CSE1L: variants seen among roughly 807,000 people sequenced by gnomAD.
CSE1L encodes exportin-2.
CSE1L carries 24 observed loss-of-function variants against 120.4 expected under a neutral mutation model. That is an observed-to-expected ratio of 0.20 (90% CI 0.14 to 0.28). CSE1L has a LOEUF of 0.28. Among genes scored for constraint, CSE1L ranks in the 10% least tolerant of loss-of-function variants. CSE1L has a pLI of 1.00. For synonymous variants in CSE1L, 402 were observed against 398.3 expected (o/e 1.01, Z -0.11); for missense variants, 830 against 1,145.2 (o/e 0.72, Z 3.97).
intron 1 of CSE1L, among the ~76,000 whole-genome samples, chr20:49,057,670 C>T (rs1382024906): frequency 1.3e-5 from 2 of 151,992 alleles, no homozygotes; most frequent in Non-Finnish European, 2.9e-5. Flanking sequence ...TTGCTCTTAT[C>T]GCCCAGGCTG....
intron 17 of CSE1L, 67 bp downstream of exon 17, chr20:49,088,173 C>G (rs904115499): frequency 1.9e-6 from 2 of 1,059,306 alleles, no homozygotes; most frequent in Non-Finnish European, 2.9e-6. Flanking sequence ...GGCCTCAGAA[C>G]TCTTTGGCAT....
chr20:49,084,216 G>A (rs1324404959), intron 15 of CSE1L, 54 bp downstream of exon 15: 2 of 1,489,406 alleles, frequency 1.3e-6, no homozygotes, highest in Admixed American at 2.1e-5. Context: ...GTACTGTGCT[G>A]GTCAAAGATA....
rs1306136589 is a variant in CSE1L at position 49,072,364 on chromosome 20, G to A, written c.847G>A (p.Asp283Asn). 5.6e-6 allele frequency: 9 copies of A among 1,614,140 alleles called. No individual in the cohort carries two copies. The highest frequency in any genetic ancestry group is 3.3e-5 in the Admixed American group (2 of 60,008). The change falls in exon 9 of 25, where the codon GAT (aspartate) becomes AAT (asparagine). Residue 283 changes from aspartate (D) to asparagine (N), a missense_variant. This residue lies in a region of CSE1L where 543 missense variants were observed against 640.2 expected (regional missense o/e 0.85). Coordinates refer to ENST00000262982, the MANE Select transcript of CSE1L (RefSeq NM_001316.4). Reference protein sequence around the residue: ...DNAALYAQKYDEEFQRYLPRF... With the variant: ...DNAALYAQKYNEEFQRYLPRF... ...TGCCGCACTCTATGCACAAAAGTAC[G>A]ATGAAGAATTCCAGCGATACCTGCC...
At chr20:49,092,176 T>C (rs752697716) in intron 22 of CSE1L, 49 bp downstream of exon 22, 1 of 1,049,864 alleles carries the variant, frequency 9.5e-7, no homozygotes, top group South Asian at 1.4e-5. Flanking sequence ...TTTTGACTTT[T>C]TTTTTAGTAC....
chr20:49,078,099 A>G (rs2091983198), intron 13 of CSE1L, among the ~76,000 whole-genome samples: 1 of 152,198 alleles, frequency 6.6e-6, no homozygotes, highest in Admixed American at 6.5e-5. Context: ...AATGTAGGAA[A>G]TTTATGTACA....
chr20:49,059,813 G>A (rs1281721684), intron 2 of CSE1L, among the ~76,000 whole-genome samples: 3 of 152,024 alleles, frequency 2.0e-5, no homozygotes, highest in Non-Finnish European at 4.4e-5. Context: ...CTGGGAGGTG[G>A]AGGTTGCAGT....
intron 17 of CSE1L, among the ~76,000 whole-genome samples, 155 bp from the exon 18 acceptor site, chr20:49,089,092 A>G (rs1200830397): frequency 6.6e-6 from 1 of 150,694 alleles, no homozygotes. Context: ...TGGGCCATTT[A>G]AAAAAAAATT....
rs750896242 is a variant in CSE1L at position 49,090,911 on chromosome 20, A to G, written c.2280-26A>G. ...GTGCTCAGAAAAGTCCTAAATTTAT[A>G]TTGTTGATTTTTTTTAATTCTTTAG... is the stretch of plus-strand genomic sequence containing the variant. On this transcript the variant is annotated intron_variant, in intron 20 of 24. Coordinates refer to ENST00000262982, the MANE Select transcript of CSE1L (RefSeq NM_001316.4). 26 of 1,596,042 alleles carry G rather than the reference A, an allele frequency of 1.6e-5. No individual in the cohort carries two copies. In the South Asian group the frequency reaches 1.8e-4, roughly 11 times the overall value.
Position 49,096,823 on chromosome 20 carries a change from CTGTT to C in CSE1L, c.*387_*390del, listed in dbSNP as rs1415033521. 4.0e-5 allele frequency: 7 copies of C among 174,812 alleles called. No homozygotes were observed. The highest frequency in any genetic ancestry group is 1.2e-4 in the Admixed American group (2 of 17,080). The allele number at this position is 174,812 out of a possible 1,614,324, so 10.8% of individuals were successfully genotyped here. A position where few individuals can be genotyped will look rare whatever the true frequency, so the allele number is the denominator to read the frequency against. Reference sequence around the variant, plus strand: ...TTCTCTTGTCCTTTATATTTTTTGTCTGTTTATTTACGCTTTTATTGGAAATGTG... The same window carrying C: ...TTCTCTTGTCCTTTATATTTTTTGTCTATTTACGCTTTTATTGGAAATGTG... On this transcript the variant is annotated 3_prime_UTR_variant, in exon 25 of 25. Transcript: ENST00000262982.
chr20:49,053,347 CTTTTTTTTTT>C lies in CSE1L; in HGVS notation c.-11-5087_-11-5078del, dbSNP rs11419181. Among the ~76,000 whole-genome samples the C allele has an allele frequency of 3.4e-3, 219 of 63,804 alleles. 1 individual carries two copies. The highest frequency in any genetic ancestry group is 0.016 in the African/African-American group (205 of 12,968). The allele number at this position is 63,804 out of a possible 152,430, so 41.9% of individuals were successfully genotyped here. A position where few individuals can be genotyped will look rare whatever the true frequency, so the allele number is the denominator to read the frequency against. On this transcript the variant is annotated intron_variant, in intron 1 of 24. Coordinates refer to ENST00000262982, the MANE Select transcript of CSE1L (RefSeq NM_001316.4). ...ATTTAACTTGACCACAGCAAACTAACTTTTTTTTTTTTTTTTTTTTTTTTTTTTGAGACTG... is the reference window on the plus strand; with the variant it reads ...ATTTAACTTGACCACAGCAAACTAACTTTTTTTTTTTTTTTTTTGAGACTG...
chr20:49,063,075 G>A, intron 2 of CSE1L, 127 bp from the exon 3 acceptor site: 1 of 367,144 alleles, frequency 2.7e-6, no homozygotes, highest in Non-Finnish European at 4.5e-6. Context: ...GAAAAGTGAG[G>A]CCCTGTAGAC....
At chr20:49,075,666 T>A in intron 12 of CSE1L, 146 bp downstream of exon 12, 1 of 714,542 alleles carries the variant, frequency 1.4e-6, no homozygotes, top group Non-Finnish European at 2.3e-6. Context: ...TGAAGATGGC[T>A]TTATGTTGAT....
intron 24 of CSE1L, chr20:49,095,175 G>A (rs2092130439): frequency 1.5e-6 from 1 of 672,830 alleles, no homozygotes; most frequent in Non-Finnish European, 2.7e-6. Flanking sequence ...AATGGATTTA[G>A]GAGTGAGAAC....
rs1196165421 is a variant in CSE1L, at chr20:49,047,557, CTCTTT to C, written c.-12+1141_-12+1145del. 1.1e-4 allele frequency among the ~76,000 whole-genome samples: 11 copies of C among 98,292 alleles called. No individual in the cohort carries two copies. In the East Asian group the frequency reaches 2.6e-3, roughly 24 times the overall value. 64.5% of individuals were successfully genotyped at this position (98,292 alleles called of 152,430 possible). A position where few individuals can be genotyped will look rare whatever the true frequency, so the allele number is the denominator to read the frequency against. On this transcript the variant is annotated intron_variant, in intron 1 of 24. Transcript: ENST00000262982. ...TTTGTTTTCTTTTTCTTTTTCTTTT[CTCTTT>C]TCTTTTTTTTTTTTTTTTTTTTTTT...
At position 49,075,171 on chromosome 20, in the gene CSE1L, A is replaced by G. The variant is rs1274876538; in HGVS notation, c.1133-147A>G. On this transcript the variant is annotated intron_variant, in intron 11 of 24. Transcript: ENST00000262982. Reference sequence around the variant, plus strand: ...TTCATTGTTTGTGTTGCTGATAGCTATTGGGTGGCCCTTTGTTTTTCGTTC... The same window carrying G: ...TTCATTGTTTGTGTTGCTGATAGCTGTTGGGTGGCCCTTTGTTTTTCGTTC... The G allele has an allele frequency of 2.5e-5, 16 of 632,378 alleles. No individual in the cohort carries two copies. The South Asian group carries it at 2.8e-4, about 11-fold the overall frequency. 39.2% of individuals were successfully genotyped at this position (632,378 alleles called of 1,614,324 possible).
In CSE1L at chr20:49,089,704, A is replaced by AGAAT; in HGVS notation, c.2139_2140insGAAT (p.Arg714GlufsTer13). ...TGAGGCTTCTTCAAGCATTCTTAGA[A>AGAAT]CGCGGTTCAAACACAATAGCAAGTG... On this transcript the variant is annotated frameshift_variant, in exon 19 of 25. Coordinates refer to ENST00000262982, the MANE Select transcript of CSE1L (RefSeq NM_001316.4). LOFTEE classifies it high-confidence loss of function. 6.2e-7 allele frequency: 1 copy of AGAAT among 1,614,226 alleles called. No individual in the cohort carries two copies. Among genetic ancestry groups the AGAAT allele is most frequent in the Non-Finnish European group, 8.5e-7 (1 of 1,180,028 alleles).
chr20:49,050,836 A>G (rs986855915), intron 1 of CSE1L, among the ~76,000 whole-genome samples: 4 of 152,184 alleles, frequency 2.6e-5, no homozygotes, highest in Non-Finnish European at 5.9e-5. Flanking sequence ...TGCTGGGATT[A>G]CAGAAGTGAG....
chr20:49,078,106 T>C (rs1178448920), intron 13 of CSE1L, among the ~76,000 whole-genome samples: 1 of 152,240 alleles, frequency 6.6e-6, no homozygotes, highest in East Asian at 1.9e-4. Context: ...GAAATTTATG[T>C]ACACCCAAAG....
At chr20:49,054,622 A>G (rs753895609) in intron 1 of CSE1L, among the ~76,000 whole-genome samples, 9 of 152,224 alleles carry the variant, frequency 5.9e-5, no homozygotes, top group Non-Finnish European at 1.3e-4. Flanking sequence ...TATGAAGCCT[A>G]TGAAAACATC....
Sources: allele counts gnomAD v4.1 joint callset (sites outside exome capture counted in the v4.1 genomes callset), GRCh38; gene constraint gnomAD v4.1.1; regional missense constraint gnomAD v4.1.1; transcripts MANE v1.5; gene names NCBI Gene and HGNC (gene_info 2026-07-23, HGNC 2026-07-21).